SYCE2: variants seen among roughly 807,000 people sequenced by gnomAD.
The protein encoded by SYCE2 is central element synaptonemal complex 1.
SYCE2 carries 3 observed loss-of-function variants against 27.9 expected under a neutral mutation model. The observed-to-expected ratio is 0.11, with a 90% CI of 0.05 to 0.28. The LOEUF is 0.28. SYCE2 is among the 10% of genes least tolerant of loss of function. The pLI is 1.00. For synonymous variants in SYCE2, 85 were observed against 100.7 expected (o/e 0.84, Z 0.93); for missense variants, 207 against 263.5 (o/e 0.79, Z 1.48).
chr19:12,899,741 T>C (rs1269441946), intron 5 of SYCE2: 3 of 1,611,758 alleles, frequency 1.9e-6, no homozygotes, highest in Non-Finnish European at 2.5e-6. Context: ...GAATTCTCTG[T>C]AGAGCGTCTC....
intron 3 of SYCE2, among the ~76,000 whole-genome samples, chr19:12,901,903 A>C (rs925624459): frequency 5.3e-5 from 8 of 152,162 alleles, no homozygotes; most frequent in Non-Finnish European, 8.8e-5. Flanking sequence ...GGCATGAGCC[A>C]CTGCACCTGG....
chr19:12,905,810 A>T (rs1454288576), intron 2 of SYCE2, among the ~76,000 whole-genome samples: 2 of 152,068 alleles, frequency 1.3e-5, no homozygotes, highest in East Asian at 3.9e-4. Flanking sequence ...GCTAATTTTT[A>T]AAATTTTTAA....
chr19:12,903,544 G>A (rs369938544), intron 3 of SYCE2, among the ~76,000 whole-genome samples: 4 of 151,284 alleles, frequency 2.6e-5, no homozygotes, highest in Admixed American at 1.3e-4. Context: ...GCACCACCAT[G>A]CCCAGCTAAT....
intron 3 of SYCE2, among the ~76,000 whole-genome samples, chr19:12,902,633 C>T (rs1030455464): frequency 2.0e-5 from 3 of 151,734 alleles, no homozygotes; most frequent in Admixed American, 6.6e-5. Flanking sequence ...GAGACGCCAC[C>T]TCTAAAAATA....
At chr19:12,911,254 T>C (rs1767777677) in intron 2 of SYCE2, among the ~76,000 whole-genome samples, 1 of 152,140 alleles carries the variant, frequency 6.6e-6, no homozygotes, top group Admixed American at 6.6e-5. Flanking sequence ...ATTACAAACG[T>C]GAGCCACAGT....
At chr19:12,911,495 A>G (rs929545624) in intron 2 of SYCE2, among the ~76,000 whole-genome samples, 1 of 151,642 alleles carries the variant, frequency 6.6e-6, no homozygotes. Flanking sequence ...GCTGGAGTGC[A>G]GTGGCATGAT....
At chr19:12,916,451 G>A (rs981581176) in intron 2 of SYCE2, among the ~76,000 whole-genome samples, 13 of 152,100 alleles carry the variant, frequency 8.5e-5, no homozygotes, top group Admixed American at 3.3e-4. Context: ...CCCCCTCTGC[G>A]TGGAAGGTTT....
rs1043646599 is a variant in SYCE2 at position 12,918,289 on chromosome 19, C to G, written c.64G>C (p.Gly22Arg). 4.3e-6 allele frequency: 7 copies of G among 1,614,070 alleles called. No individual in the cohort carries two copies. In the East Asian group the frequency reaches 1.1e-4, roughly 26 times the overall value. ...KCKDQEPQPLGESKEHPRWEE... is the reference protein window; with the variant it reads ...KCKDQEPQPLRESKEHPRWEE... The stretch of plus-strand genomic sequence containing the variant: ...CACCGCGGATGCTCCTTGCTCTCCC[C>G]CAAGGGCTGCGGTTCCTGGTCTTTG... Residue 22 changes from glycine (G) to arginine (R), a missense_variant, in exon 2 of 6, where the codon GGG (glycine) becomes CGG (arginine). Physicochemically the swap from Gly to Arg is moderately radical, Grantham distance 125 (BLOSUM62 -2). Coordinates refer to ENST00000293695, the MANE Select transcript of SYCE2 (RefSeq NM_001105578.2).
chr19:12,908,668 G>A (rs976874925), intron 2 of SYCE2, among the ~76,000 whole-genome samples: 1 of 152,012 alleles, frequency 6.6e-6, no homozygotes, highest in African/African-American at 2.4e-5. Flanking sequence ...TCAGTCCATT[G>A]TAATCAGGTT....
intron 3 of SYCE2, among the ~76,000 whole-genome samples, chr19:12,903,337 C>T (rs1258024166): frequency 3.4e-5 from 5 of 149,194 alleles, no homozygotes; most frequent in Admixed American, 1.3e-4. Flanking sequence ...GTGATCTGCC[C>T]GCCTCGGCCT....
intron 3 of SYCE2, among the ~76,000 whole-genome samples, chr19:12,901,372 G>A (rs1333059629): frequency 1.0e-4 from 15 of 146,134 alleles, no homozygotes; most frequent in South Asian, 2.2e-4. Context: ...GCAAAACTCC[G>A]TCTCAAAAAA....
Position 12,915,061 on chromosome 19 carries a change from T to C in SYCE2, c.131+3161A>G, listed in dbSNP as rs145351598. Among the ~76,000 whole-genome samples, 650 of 152,328 alleles carry C rather than the reference T, an allele frequency of 4.3e-3. 5 individuals carry two copies. Among genetic ancestry groups the C allele is most frequent in the African/African-American group, 0.015 (618 of 41,578 alleles). ...GATTTCATAGCAGTGCTGCTCATAA[T>C]AGCCAAAAAGTGAAAACCACCCGAA... On this transcript the variant is annotated intron_variant, in intron 2 of 5. Coordinates refer to ENST00000293695, the MANE Select transcript of SYCE2 (RefSeq NM_001105578.2).
intron 2 of SYCE2, among the ~76,000 whole-genome samples, chr19:12,912,646 T>A (rs979615435): frequency 6.6e-6 from 1 of 152,202 alleles, no homozygotes; most frequent in Non-Finnish European, 1.5e-5. Context: ...TTAAAATCGA[T>A]GAGAGCACCA....
chr19:12,916,066 C>CTT (rs35687682), intron 2 of SYCE2, among the ~76,000 whole-genome samples: 4 of 137,744 alleles, frequency 2.9e-5, no homozygotes, highest in Admixed American at 7.4e-5. Flanking sequence ...CCATATCAGC[C>CTT]TTTTTTTTTT....
intron 3 of SYCE2, among the ~76,000 whole-genome samples, chr19:12,903,576 G>C (rs556090327): frequency 1.4e-5 from 2 of 147,216 alleles, no homozygotes; most frequent in Admixed American, 1.4e-4. Context: ...TCATAGAGAC[G>C]GGGTTTCACC....
intron 2 of SYCE2, among the ~76,000 whole-genome samples, chr19:12,908,543 T>C (rs963115603): frequency 6.6e-6 from 1 of 151,794 alleles, no homozygotes; most frequent in Non-Finnish European, 1.5e-5. Context: ...CCAGGATGGT[T>C]TCCATCTCGT....
chr19:12,899,595 G>A (rs989694823), intron 5 of SYCE2: 258 of 1,613,692 alleles, frequency 1.6e-4, no homozygotes, highest in Non-Finnish European at 2.0e-4. Context: ...GAGATGCCTG[G>A]CTGGACCGTA....
chr19:12,913,381 C>T (rs915440189), intron 2 of SYCE2, among the ~76,000 whole-genome samples: 3 of 152,176 alleles, frequency 2.0e-5, no homozygotes, highest in Non-Finnish European at 2.9e-5. Flanking sequence ...GCCCTCCCTC[C>T]GTGGCCTCTA....
chr19:12,901,896 A>G (rs1970847257), intron 3 of SYCE2, among the ~76,000 whole-genome samples: 1 of 152,152 alleles, frequency 6.6e-6, no homozygotes, highest in Non-Finnish European at 1.5e-5. Context: ...GATTACAGGC[A>G]TGAGCCACTG....
Sources: gnomAD v4.1 joint callset for allele counts (sites outside exome capture counted in the v4.1 genomes callset) on GRCh38, gnomAD v4.1.1 for gene constraint, MANE v1.5 for transcripts, NCBI Gene and HGNC (gene_info 2026-07-23, HGNC 2026-07-21) for gene names.